Variants in DNAJC3 observed in about 807,000 individuals in gnomAD.
DNAJC3 encodes the protein dnaJ homolog subfamily C member 3.
DNAJC3 carries 38 observed loss-of-function variants against 68.6 expected under a neutral mutation model. The ratio of observed to expected loss-of-function variants is 0.55; its 90% CI spans 0.43 to 0.73. The LOEUF (loss-of-function observed/expected upper bound fraction) is 0.73. DNAJC3 is among the 30% of genes least tolerant of loss of function. The probability of loss-of-function intolerance (pLI) is 0.00; values close to 1 mark genes in which losing one functional copy is unlikely to be tolerated. For missense variants in DNAJC3, 526 were observed against 591.9 expected, an observed-to-expected ratio of 0.89 and a Z score of 1.16; for synonymous variants, 203 against 204.0, an observed-to-expected ratio of 1.00 and a Z score of 0.04.
At chr13:95,771,958 G>T (rs1478290877) in intron 9 of DNAJC3, among the ~76,000 whole-genome samples, 3 of 151,880 alleles carry the variant, frequency 2.0e-5, no homozygotes, top group Non-Finnish European at 4.4e-5. Context: ...ACATGTTTTC[G>T]CAGTTTATTC....
At chr13:95,693,536 A>G (rs1880341458) in intron 1 of DNAJC3, 1 of 152,190 alleles carries the variant, frequency 6.6e-6, no homozygotes. Flanking sequence ...CAGCAATAGT[A>G]TTATCCCCAC....
chr13:95,780,947 G>C (rs750325365), intron 9 of DNAJC3, among the ~76,000 whole-genome samples: 7 of 152,194 alleles, frequency 4.6e-5, no homozygotes, highest in Non-Finnish European at 8.8e-5. Flanking sequence ...TAGGGTGAGA[G>C]AGGGAGTCGC....
At chr13:95,731,462 A>C (rs1430255922) in intron 4 of DNAJC3, among the ~76,000 whole-genome samples, 2 of 152,106 alleles carry the variant, frequency 1.3e-5, no homozygotes, top group African/African-American at 4.8e-5. Flanking sequence ...ATTTTGTTGA[A>C]GTATGTTCCT....
intron 4 of DNAJC3, among the ~76,000 whole-genome samples, chr13:95,733,699 CTGTCT>C (rs1421050387): frequency 2.1e-5 from 3 of 140,472 alleles, no homozygotes; most frequent in Middle Eastern, 3.9e-3. Context: ...TGTGCCTGGC[CTGTCT>C]TTTTTTTTTT....
At chr13:95,700,789 C>T (rs1411805734) in intron 1 of DNAJC3, among the ~76,000 whole-genome samples, 1 of 152,036 alleles carries the variant, frequency 6.6e-6, no homozygotes, top group Non-Finnish European at 1.5e-5. Flanking sequence ...CTTATTTTTT[C>T]TGTGTTCACT....
At chr13:95,688,930 GTGTGTGTGTGT>G (rs1593951470) in intron 1 of DNAJC3, among the ~76,000 whole-genome samples, 20 of 51,306 alleles carry the variant, frequency 3.9e-4, no homozygotes, top group Non-Finnish European at 1.0e-3. Flanking sequence ...TTGTGTGGGT[GTGTGTGTGTGT>G]GTGTGTGTGT....
intron 3 of DNAJC3, 31 bp from the exon 4 acceptor site, chr13:95,725,147 C>G (rs367636208): frequency 6.9e-7 from 1 of 1,443,740 alleles, no homozygotes; most frequent in Non-Finnish European, 9.3e-7. Context: ...CTATAATATT[C>G]AAGATAATCC....
intron 1 of DNAJC3, chr13:95,694,001 A>G (rs535393122): frequency 8.9e-4 from 135 of 152,268 alleles, no homozygotes; most frequent in African/African-American, 3.1e-3. Context: ...AGTAATTTCA[A>G]TTACAACATA....
chr13:95,784,377 G>T (rs1883535864), intron 9 of DNAJC3, among the ~76,000 whole-genome samples: 1 of 152,068 alleles, frequency 6.6e-6, no homozygotes, highest in Non-Finnish European at 1.5e-5. Flanking sequence ...AAGGTGCAAG[G>T]GTGAAAATCT....
intron 4 of DNAJC3, among the ~76,000 whole-genome samples, chr13:95,740,589 C>G (rs1882103796): frequency 6.6e-6 from 1 of 152,138 alleles, no homozygotes; most frequent in Non-Finnish European, 1.5e-5. Context: ...TGCTGTCCGT[C>G]ACCCCTTTCT....
chr13:95,702,924 C>T (rs1880622654), intron 1 of DNAJC3, among the ~76,000 whole-genome samples: 1 of 152,174 alleles, frequency 6.6e-6, no homozygotes, highest in Non-Finnish European at 1.5e-5. Flanking sequence ...CACCATCCCA[C>T]TCAATATTCA....
chr13:95,767,728 C>A (rs371813774), intron 9 of DNAJC3, among the ~76,000 whole-genome samples: 1 of 144,440 alleles, frequency 6.9e-6, no homozygotes, highest in Admixed American at 6.9e-5. Flanking sequence ...CTTGCTCTGT[C>A]GCCCAGGCTG....
chr13:95,686,240 C>T (rs1032557442), intron 1 of DNAJC3, among the ~76,000 whole-genome samples: 2 of 151,686 alleles, frequency 1.3e-5, no homozygotes, highest in Non-Finnish European at 1.5e-5. Flanking sequence ...GGATTACAGG[C>T]GTGAGCCAGT....
At chr13:95,708,164 A>G (rs1412504307) in intron 1 of DNAJC3, among the ~76,000 whole-genome samples, 1 of 152,198 alleles carries the variant, frequency 6.6e-6, no homozygotes, top group Non-Finnish European at 1.5e-5. Flanking sequence ...CACCAAGCAG[A>G]ACTAGGAAGT....
chr13:95,739,811 T>G (rs1882062663), intron 4 of DNAJC3, among the ~76,000 whole-genome samples: 1 of 152,236 alleles, frequency 6.6e-6, no homozygotes, highest in African/African-American at 2.4e-5. Flanking sequence ...TTCTCTCAGC[T>G]CGTCAAAGTC....
At chr13:95,695,654 C>T (rs555838524) in intron 1 of DNAJC3, 1 of 152,310 alleles carries the variant, frequency 6.6e-6, no homozygotes, top group South Asian at 2.1e-4. Context: ...TCTCCATTTT[C>T]CTTGCCCTTA....
intron 1 of DNAJC3, among the ~76,000 whole-genome samples, chr13:95,684,650 G>T (rs140529035): frequency 6.6e-6 from 1 of 152,216 alleles, no homozygotes; most frequent in African/African-American, 2.4e-5. Flanking sequence ...AGGCATCTCA[G>T]CGACCTTTAA....
chr13:95,750,085 G>A (rs1882426454), intron 4 of DNAJC3, among the ~76,000 whole-genome samples: 1 of 151,920 alleles, frequency 6.6e-6, no homozygotes, highest in South Asian at 2.1e-4. Flanking sequence ...CCAATATCAG[G>A]CAGGCAGCTG....
rs36052714 is a variant in DNAJC3, at chr13:95,785,452, C to CTTTTTTTTTTTTTTT, written c.1076-477_1076-463dup. 3.8e-5 allele frequency among the ~76,000 whole-genome samples: 3 copies of CTTTTTTTTTTTTTTT among 77,926 alleles called. 1 individual carries two copies. The highest frequency in any genetic ancestry group is 1.6e-4 in the African/African-American group (3 of 18,480). The allele number at this position is 77,926 out of a possible 152,430, so 51.1% of individuals were successfully genotyped here. A position where few individuals can be genotyped will look rare whatever the true frequency, so the allele number is the denominator to read the frequency against. ...GTTTTCATTATTATGCCTTTTAAAC[C>CTTTTTTTTTTTTTTT]TTTTTTTTTTTTTTTTTTTTTTTTG... On this transcript the variant is annotated intron_variant, in intron 9 of 11. Coordinates refer to ENST00000602402, the MANE Select transcript of DNAJC3 (RefSeq NM_006260.5).
Sources: allele counts gnomAD v4.1 joint callset (sites outside exome capture counted in the v4.1 genomes callset), GRCh38; gene constraint gnomAD v4.1.1; transcripts MANE v1.5; gene names NCBI Gene and HGNC (gene_info 2026-07-23, HGNC 2026-07-21).